The following ROBO2 variants were observed in gnomAD, a reference collection of about 807,000 sequenced individuals.
ROBO2 encodes roundabout guidance receptor 2.
ROBO2 carries 53 observed loss-of-function variants against 160.8 expected under a neutral mutation model. The observed-to-expected ratio is 0.33, with a 90% CI of 0.26 to 0.41. The LOEUF (loss-of-function observed/expected upper bound fraction) is 0.41. ROBO2 is among the 10% of genes least tolerant of loss of function. ROBO2 has a pLI of 1.00. For missense variants in ROBO2, 1,577 were observed against 1,722.4 expected (o/e 0.92, Z 1.49); for synonymous variants, 664 against 611.7 (o/e 1.09, Z -1.26).
chr3:76,029,240 T>C (rs2107698268), intron 2 of ROBO2, among the ~76,000 whole-genome samples: 1 of 152,166 alleles, frequency 6.6e-6, no homozygotes, highest in East Asian at 1.9e-4. Flanking sequence ...CATGAAAAAT[T>C]AACAAAACTT....
At chr3:76,158,683 G>A (rs1559600900) in intron 2 of ROBO2, among the ~76,000 whole-genome samples, 1 of 152,120 alleles carries the variant, frequency 6.6e-6, no homozygotes, top group Non-Finnish European at 1.5e-5. Context: ...GCTGGCTTAA[G>A]AGAAGTAGCC....
intron 10 of ROBO2, 102 bp downstream of exon 11, chr3:77,562,834 G>A (rs543453059): frequency 4.6e-6 from 4 of 876,544 alleles, no homozygotes; most frequent in South Asian, 1.4e-5. Context: ...TTCACTGAAT[G>A]TAAATTTTAG....
At chr3:75,995,975 C>T (rs143170260) in intron 2 of ROBO2, among the ~76,000 whole-genome samples, 1 of 152,266 alleles carries the variant, frequency 6.6e-6, no homozygotes, top group East Asian at 1.9e-4. Context: ...TGCTTATACC[C>T]ACTTTGTATC....
intron 2 of ROBO2, among the ~76,000 whole-genome samples, chr3:77,343,520 C>T (rs2067295628): frequency 6.6e-6 from 1 of 152,150 alleles, no homozygotes; most frequent in South Asian, 2.1e-4. Flanking sequence ...ACGTATTTAA[C>T]ATTGATAGGT....
chr3:77,302,779 A>T (rs536950740), intron 2 of ROBO2, among the ~76,000 whole-genome samples: 1 of 152,356 alleles, frequency 6.6e-6, no homozygotes, highest in African/African-American at 2.4e-5. Flanking sequence ...CTTGGAAGGC[A>T]ACAACAGCAG....
rs200103741 is a variant in ROBO2 at position 76,415,595 on chromosome 3, GTATT to G, written c.109+477997_109+478000del. Among the ~76,000 whole-genome samples the G allele has an allele frequency of 8.3e-4, 126 of 152,290 alleles. No individual in the cohort carries two copies. The East Asian group carries it at 0.019, about 24-fold the overall frequency. On this transcript the variant is annotated intron_variant, in intron 2 of 26. Coordinates refer to the ROBO2 transcript ENST00000487694. ...CACTAAAGAAAAAGACTAGCACATA[GTATT>G]TATACTGTGGTGTATGAGTGTGCAT...
chr3:75,979,982 A>G (rs1254730489), intron 2 of ROBO2, among the ~76,000 whole-genome samples: 1 of 151,576 alleles, frequency 6.6e-6, no homozygotes, highest in African/African-American at 2.4e-5. Flanking sequence ...GCTGAATTAT[A>G]TGCATCATAC....
chr3:77,183,376 G>A (rs976687422), intron 2 of ROBO2, among the ~76,000 whole-genome samples: 1 of 152,012 alleles, frequency 6.6e-6, no homozygotes, highest in African/African-American at 2.4e-5. Context: ...TAGTGTCTCA[G>A]AATGTAACTG....
intron 2 of ROBO2, among the ~76,000 whole-genome samples, chr3:76,887,201 T>C (rs2073968317): frequency 2.2e-5 from 3 of 137,566 alleles, no homozygotes; most frequent in Admixed American, 1.5e-4. Context: ...AGCATTTTTT[T>C]TTTTTTTTTT....
At chr3:77,443,744 T>G (rs933557697) in intron 2 of ROBO2, among the ~76,000 whole-genome samples, 6 of 152,166 alleles carry the variant, frequency 3.9e-5, no homozygotes, top group African/African-American at 1.4e-4. Context: ...TCTAACTTCA[T>G]TTGGAGAGTT....
At chr3:76,800,803 G>C (rs2064139622) in intron 2 of ROBO2, among the ~76,000 whole-genome samples, 1 of 152,064 alleles carries the variant, frequency 6.6e-6, no homozygotes, top group South Asian at 2.1e-4. Context: ...CCACTGCGGA[G>C]AACAGTATGG....
chr3:76,380,824 A>T (rs1190427690), intron 2 of ROBO2, among the ~76,000 whole-genome samples: 1 of 152,166 alleles, frequency 6.6e-6, no homozygotes, highest in African/African-American at 2.4e-5. Flanking sequence ...AGAAAGTAAG[A>T]TATATGAAGA....
chr3:76,839,829 G>A (rs1183478656), intron 2 of ROBO2, among the ~76,000 whole-genome samples: 1 of 152,150 alleles, frequency 6.6e-6, no homozygotes, highest in Non-Finnish European at 1.5e-5. Flanking sequence ...ATTTCATTAT[G>A]GCTTTGATCT....
chr3:77,576,466 G>C (rs1038193123), intron 14 of ROBO2, among the ~76,000 whole-genome samples: 2 of 152,100 alleles, frequency 1.3e-5, no homozygotes, highest in African/African-American at 4.8e-5. Flanking sequence ...ATTTTAAACT[G>C]TTAAGAACGA....
chr3:77,158,587 C>A (rs1471872945), intron 2 of ROBO2, among the ~76,000 whole-genome samples: 1 of 152,100 alleles, frequency 6.6e-6, no homozygotes. Context: ...CTAGCTCTTG[C>A]AACTCAAGAG....
chr3:76,415,532 G>A (rs75359811), intron 2 of ROBO2, among the ~76,000 whole-genome samples: 3,767 of 152,168 alleles, frequency 0.025, 75 homozygotes, highest in South Asian at 0.095. Flanking sequence ...CTATCAAGTT[G>A]GGGAGGCAAA....
intron 2 of ROBO2, among the ~76,000 whole-genome samples, chr3:77,319,185 G>C (rs1383303063): frequency 6.6e-6 from 1 of 152,146 alleles, no homozygotes; most frequent in African/African-American, 2.4e-5. Context: ...CAGGTGTTCG[G>C]AAGTTCATTC....
intron 2 of ROBO2, among the ~76,000 whole-genome samples, chr3:76,084,955 C>T (rs575817910): frequency 1.3e-5 from 2 of 152,192 alleles, no homozygotes; most frequent in East Asian, 1.9e-4. Context: ...TACCCAACTA[C>T]ATTACTTAGG....
At chr3:76,497,547 C>T (rs1426671321) in intron 2 of ROBO2, among the ~76,000 whole-genome samples, 1 of 152,152 alleles carries the variant, frequency 6.6e-6, no homozygotes, top group Non-Finnish European at 1.5e-5. Flanking sequence ...AAAATAATAT[C>T]TCTTGTCTTG....
Sources: gnomAD v4.1 joint callset for allele counts (sites outside exome capture counted in the v4.1 genomes callset) on GRCh38, gnomAD v4.1.1 for gene constraint, MANE v1.5 for transcripts, NCBI Gene and HGNC (gene_info 2026-07-23, HGNC 2026-07-21) for gene names.